The following C12orf76 variants were observed in gnomAD, a reference collection of about 807,000 sequenced individuals.
The protein encoded by C12orf76 is uncharacterized protein C12orf76.
A neutral mutation model predicts 6.8 loss-of-function variants in C12orf76; 6 were observed. The ratio of observed to expected loss-of-function variants is 0.88; its 90% confidence interval spans 0.48 to 1.73. The LOEUF is 1.73. C12orf76 is among the 40% of genes most tolerant of loss of function. The pLI is 0.01. For synonymous variants in C12orf76, 56 were observed against 43.7 expected, an observed-to-expected ratio of 1.28 and a Z score of -1.11; for missense variants, 99 against 98.2, an observed-to-expected ratio of 1.01 and a Z score of -0.03.
At chr12:110,058,727 C>T (rs1312740133) in intron 3 of C12orf76, among the ~76,000 whole-genome samples, 2 of 152,170 alleles carry the variant, frequency 1.3e-5, no homozygotes, top group Non-Finnish European at 2.9e-5. Flanking sequence ...CTATAGAATA[C>T]AGGCAGTTCC....
At chr12:110,042,738 C>T in intron 1 of C12orf76, 1 of 622,856 alleles carries the variant, frequency 1.6e-6, no homozygotes, top group South Asian at 1.9e-5. Flanking sequence ...GGGGGACAGT[C>T]AGGAAGCATC....
chr12:110,042,296 G>A lies in C12orf76; in HGVS notation c.*78C>T. The stretch of plus-strand genomic sequence containing the variant: ...GTCATTTCCAAGTAGGAAAGTTTTG[G>A]TTCCAACTTCTCCACTGGCCTGTGT... On this transcript the variant is annotated 3_prime_UTR_variant, in exon 2 of 2. Transcript: ENST00000615315. 1.6e-6 allele frequency: 2 copies of A among 1,231,976 alleles called. No individual in the cohort carries two copies. The highest frequency in any genetic ancestry group is 2.4e-6 in the Non-Finnish European group (2 of 837,414). 76.3% of individuals were successfully genotyped at this position (1,231,976 alleles called of 1,614,324 possible). A position where few individuals can be genotyped will look rare whatever the true frequency, so the allele number is the denominator to read the frequency against.
upstream of C12orf76, chr12:110,051,243 C>T (rs111721570): frequency 6.9e-4 from 525 of 757,446 alleles, 3 homozygotes; most frequent in African/African-American, 7.9e-3. Context: ...AGGCCACTTC[C>T]GTTCCAATCC....
chr12:110,041,837 T>G lies in C12orf76; in HGVS notation c.*537A>C, dbSNP rs1040968879. ...GGGAGCACCTGAGTGCAGGGCAGGA[T>G]GCAGGTGAGGAACGAGGGCCCAAGA... On this transcript the variant is annotated 3_prime_UTR_variant, in exon 2 of 2. Coordinates refer to ENST00000615315, the MANE Select transcript of C12orf76 (RefSeq NM_001389625.1). The G allele has an allele frequency of 6.3e-6, 1 of 157,742 alleles. No individual in the cohort carries two copies. Among genetic ancestry groups the G allele is most frequent in the Non-Finnish European group, 1.4e-5 (1 of 71,094 alleles). The allele number at this position is 157,742 out of a possible 1,614,324, so 9.8% of individuals were successfully genotyped here.
At chr12:110,046,985 T>A (rs1892467546) in intron 1 of C12orf76, among the ~76,000 whole-genome samples, 1 of 152,012 alleles carries the variant, frequency 6.6e-6, no homozygotes, top group African/African-American at 2.4e-5. Flanking sequence ...TTCTGAAGGA[T>A]CGAGTGGGAT....
At chr12:110,042,794 G>A (rs904946673) in intron 1 of C12orf76, among the ~76,000 whole-genome samples, 15 of 152,050 alleles carry the variant, frequency 9.9e-5, no homozygotes, top group African/African-American at 2.9e-4. Flanking sequence ...GTGGTGGCTC[G>A]TGTCTGTAAT....
chr12:110,049,161 G>C (rs1032779669), upstream of C12orf76: 7 of 152,242 alleles, frequency 4.6e-5, no homozygotes, highest in Non-Finnish European at 8.8e-5. Flanking sequence ...GGGGGAGAGA[G>C]AGACCCTCTC....
rs532639569 is a variant in C12orf76 at position 110,063,735 on chromosome 12, C to T, written n.380+2125G>A. Among the ~76,000 whole-genome samples the T allele has an allele frequency of 7.0e-3, 1,052 of 150,832 alleles. 1 individual carries two copies. Among genetic ancestry groups the T allele is most frequent in the Non-Finnish European group, 9.4e-3 (638 of 67,956 alleles). ...GCCCGCCTCCCAGGTTCAAGCGATTCTCCAGCCTCAGGCTCCCAAGTATTA... is the reference window on the plus strand; with the variant it reads ...GCCCGCCTCCCAGGTTCAAGCGATTTTCCAGCCTCAGGCTCCCAAGTATTA... On this transcript the variant is annotated intron_variant and non_coding_transcript_variant, in intron 2 of 4. Coordinates refer to the C12orf76 transcript ENST00000309050.
chr12:110,071,991 C>T (rs1161662333), upstream of C12orf76, among the ~76,000 whole-genome samples: 1 of 152,132 alleles, frequency 6.6e-6, no homozygotes, highest in Non-Finnish European at 1.5e-5. Context: ...TATATATCCA[C>T]ATAAAACCTT....
upstream of C12orf76, among the ~76,000 whole-genome samples, chr12:110,069,458 A>G (rs1892935516): frequency 6.6e-6 from 1 of 152,154 alleles, no homozygotes; most frequent in Non-Finnish European, 1.5e-5. Flanking sequence ...CAAACAAACA[A>G]AAAAACCCAT....
intron 2 of C12orf76, among the ~76,000 whole-genome samples, chr12:110,061,543 T>G (rs949055686): frequency 3.0e-4 from 45 of 151,862 alleles, no homozygotes; most frequent in African/African-American, 1.1e-3. Context: ...TACTTTTTTT[T>G]TTTTTTTTCT....
upstream of C12orf76, chr12:110,049,869 TTC>T (rs2137222590): frequency 6.6e-6 from 1 of 152,272 alleles, no homozygotes; most frequent in East Asian, 1.9e-4. Flanking sequence ...CCCTGCCCTG[TTC>T]TGTTTCTCTC....
rs1161970865 is a variant in C12orf76 at position 110,042,178 on chromosome 12, C to G, written c.*196G>C. On this transcript the variant is annotated 3_prime_UTR_variant, in exon 2 of 2. Coordinates refer to ENST00000615315, the MANE Select transcript of C12orf76 (RefSeq NM_001389625.1). The stretch of plus-strand genomic sequence containing the variant: ...AAACACTGAGAAGCGGACTCAGGGG[C>G]CAATTATTTGCGCTACAGTGTTAGG... 3.4e-6 allele frequency: 2 copies of G among 583,692 alleles called. No homozygotes were observed. Among genetic ancestry groups the G allele is most frequent in the Admixed American group, 2.9e-5 (1 of 34,028 alleles). The allele number at this position is 583,692 out of a possible 1,614,324, so 36.2% of individuals were successfully genotyped here.
At chr12:110,057,400 A>G (rs79902216) in intron 3 of C12orf76, 4 of 743,978 alleles carry the variant, frequency 5.4e-6, no homozygotes, top group Middle Eastern at 2.3e-4. Context: ...AGACATCTTC[A>G]TGGACCCCTA....
At chr12:110,063,262 A>T (rs1362653920) in intron 2 of C12orf76, among the ~76,000 whole-genome samples, 1 of 151,266 alleles carries the variant, frequency 6.6e-6, no homozygotes, top group Non-Finnish European at 1.5e-5. Flanking sequence ...TTTAATTTTT[A>T]AAATTGTCTC....
At chr12:110,059,540 G>A (rs946481390) in intron 2 of C12orf76, among the ~76,000 whole-genome samples, 1 of 152,212 alleles carries the variant, frequency 6.6e-6, no homozygotes, top group Admixed American at 6.6e-5. Flanking sequence ...CCCTGCACAA[G>A]CTTCTTCACA....
At chr12:110,067,882 T>C (rs1477413609), upstream of C12orf76, among the ~76,000 whole-genome samples, 2 of 151,990 alleles carry the variant, frequency 1.3e-5, no homozygotes, top group Non-Finnish European at 2.9e-5. Context: ...AAGAAGAGAA[T>C]GTAAGGATTT....
intron 1 of C12orf76, among the ~76,000 whole-genome samples, chr12:110,044,754 A>C (rs1442075241): frequency 6.6e-6 from 1 of 151,952 alleles, no homozygotes; most frequent in Non-Finnish European, 1.5e-5. Flanking sequence ...CAAGCAGATC[A>C]CCTGAAGTCG....
upstream of C12orf76, chr12:110,050,883 C>G (rs1892563025): frequency 4.8e-6 from 3 of 627,274 alleles, no homozygotes; most frequent in Admixed American, 4.9e-5. Flanking sequence ...GGATCGGGAC[C>G]CTTTTCCTGT....
Sources: allele counts gnomAD v4.1 joint callset (sites outside exome capture counted in the v4.1 genomes callset), GRCh38; gene constraint gnomAD v4.1.1; transcripts MANE v1.5; gene names NCBI Gene and HGNC (gene_info 2026-07-23, HGNC 2026-07-21).